The following FAM81A variants were observed in gnomAD, a reference collection of about 807,000 sequenced individuals.
The protein encoded by FAM81A is protein FAM81A.
Under a neutral mutation model 46.7 loss-of-function variants are expected in FAM81A, and 19 were observed. The ratio of observed to expected loss-of-function variants is 0.41; its 90% confidence interval spans 0.28 to 0.60. FAM81A has a LOEUF of 0.60. FAM81A is among the 20% of genes least tolerant of loss of function. The probability of loss-of-function intolerance (pLI) is 0.34; values close to 1 mark genes in which losing one functional copy is unlikely to be tolerated. For synonymous variants in FAM81A, 183 were observed against 152.9 expected (o/e 1.20, Z -1.45); for missense variants, 377 against 453.5 (o/e 0.83, Z 1.53).
At chr15:59,411,561 A>G (rs2081120791) in intron 2 of FAM81A, among the ~76,000 whole-genome samples, 1 of 152,166 alleles carries the variant, frequency 6.6e-6, no homozygotes, top group African/African-American at 2.4e-5. Context: ...AAAGTTTCAG[A>G]AACTTTCCAT....
At chr15:59,433,934 C>T (rs1363704511), upstream of FAM81A, among the ~76,000 whole-genome samples, 1 of 152,236 alleles carries the variant, frequency 6.6e-6, no homozygotes, top group Non-Finnish European at 1.5e-5. Flanking sequence ...AGGCTCACTA[C>T]ACCCTCTGCC....
intron 4 of FAM81A, among the ~76,000 whole-genome samples, chr15:59,500,174 T>C (rs562381943): frequency 6.6e-6 from 1 of 152,274 alleles, no homozygotes; most frequent in South Asian, 2.1e-4. Flanking sequence ...GGTATGGATC[T>C]CTTGGTGTTT....
chr15:59,420,695 C>A lies in FAM81A; in HGVS notation c.-78+18337C>A, dbSNP rs192156426. Among the ~76,000 whole-genome samples, 12 of 284 alleles carry A rather than the reference C, an allele frequency of 0.042. 5 individuals carry two copies. In the Non-Finnish European group the frequency reaches 1, roughly 24 times the overall value. 0.2% of individuals were successfully genotyped at this position (284 alleles called of 152,430 possible). On this transcript the variant is annotated intron_variant, in intron 2 of 4. Coordinates refer to the FAM81A transcript ENST00000558348. Reference sequence around the variant, plus strand: ...CATCCAGTGACGAAGCCAAGGAAGGCTCTTTTTTTTTTTTTTTTTTTTTTT... The same window carrying A: ...CATCCAGTGACGAAGCCAAGGAAGGATCTTTTTTTTTTTTTTTTTTTTTTT...
intron 2 of FAM81A, among the ~76,000 whole-genome samples, chr15:59,415,938 G>A (rs1229379220): frequency 1.3e-5 from 2 of 152,080 alleles, no homozygotes; most frequent in African/African-American, 4.8e-5. Context: ...TCTCTGGGAG[G>A]GTCACAGACT....
chr15:59,481,877 T>C (rs2081856426), intron 3 of FAM81A, among the ~76,000 whole-genome samples: 1 of 151,618 alleles, frequency 6.6e-6, no homozygotes, highest in South Asian at 2.1e-4. Flanking sequence ...GCTGAAACCT[T>C]TTTGATTTTT....
chr15:59,508,230 A>G (rs2082169535), intron 5 of FAM81A, among the ~76,000 whole-genome samples: 1 of 152,262 alleles, frequency 6.6e-6, no homozygotes, highest in Non-Finnish European at 1.5e-5. Context: ...ATGTACAGAT[A>G]TCCATCAAAA....
intron 8 of FAM81A, among the ~76,000 whole-genome samples, chr15:59,519,803 A>G (rs531047301): frequency 3.3e-5 from 5 of 152,200 alleles, no homozygotes; most frequent in Admixed American, 1.3e-4. Context: ...TTTATTCACT[A>G]ATTTTTTGAT....
chr15:59,500,839 T>A (rs1489152219), intron 4 of FAM81A, among the ~76,000 whole-genome samples: 1 of 152,118 alleles, frequency 6.6e-6, no homozygotes, highest in Non-Finnish European at 1.5e-5. Flanking sequence ...TTCTTCTTTT[T>A]CTTTTATAAT....
chr15:59,422,793 A>G (rs1163891937), intron 2 of FAM81A, among the ~76,000 whole-genome samples: 4 of 152,194 alleles, frequency 2.6e-5, no homozygotes, highest in Non-Finnish European at 5.9e-5. Context: ...CTAGTTTCAA[A>G]GCATTTAAAA....
At chr15:59,398,888 G>T (rs28368449) in intron 1 of FAM81A, among the ~76,000 whole-genome samples, 1 of 151,382 alleles carries the variant, frequency 6.6e-6, no homozygotes, top group Non-Finnish European at 1.5e-5. Context: ...ATCAGCTATC[G>T]GCCAGGTATG....
chr15:59,469,993 G>GCATCTATT (rs2081664325), intron 3 of FAM81A, among the ~76,000 whole-genome samples: 1 of 152,052 alleles, frequency 6.6e-6, no homozygotes, highest in Non-Finnish European at 1.5e-5. Context: ...ATGAAATTCT[G>GCATCTATT]GGTGGAAAAA....
At chr15:59,437,065 C>T (rs1209584755), upstream of FAM81A, among the ~76,000 whole-genome samples, 3 of 152,174 alleles carry the variant, frequency 2.0e-5, no homozygotes, top group Non-Finnish European at 4.4e-5. Flanking sequence ...AAGTTATTAG[C>T]CCGTTTTACT....
intron 2 of FAM81A, among the ~76,000 whole-genome samples, chr15:59,414,289 T>C (rs1413484222): frequency 6.6e-6 from 1 of 152,166 alleles, no homozygotes; most frequent in East Asian, 1.9e-4. Flanking sequence ...AATATGCTAC[T>C]GTAGGAGAGG....
intron 1 of FAM81A, among the ~76,000 whole-genome samples, chr15:59,454,105 A>G (rs1596483257): frequency 6.6e-6 from 1 of 152,176 alleles, no homozygotes; most frequent in South Asian, 2.1e-4. Flanking sequence ...TTCCAGACAA[A>G]CCTTCCACTG....
chr15:59,416,905 C>G (rs1460197200), intron 2 of FAM81A, among the ~76,000 whole-genome samples: 3 of 152,124 alleles, frequency 2.0e-5, no homozygotes, highest in African/African-American at 4.8e-5. Flanking sequence ...TAGATGCCAA[C>G]CTAAAAATAT....
At chr15:59,464,623 G>A (rs1164967590) in intron 3 of FAM81A, among the ~76,000 whole-genome samples, 1 of 152,018 alleles carries the variant, frequency 6.6e-6, no homozygotes, top group Non-Finnish European at 1.5e-5. Context: ...CTGCTTTTGA[G>A]AAATATTTGT....
chr15:59,491,253 A>C (rs2081977729), intron 3 of FAM81A, among the ~76,000 whole-genome samples: 1 of 152,252 alleles, frequency 6.6e-6, no homozygotes, highest in East Asian at 1.9e-4. Context: ...AGGTTCTGTC[A>C]TTTGCAAAAA....
intron 5 of FAM81A, 66 bp downstream of exon 5, chr15:59,507,408 T>C: frequency 5.8e-6 from 9 of 1,564,732 alleles, no homozygotes; most frequent in South Asian, 1.2e-5. Flanking sequence ...TAACATGGTG[T>C]TGATTATTTC....
Position 59,507,208 on chromosome 15 carries a change from G to C in FAM81A, c.414-5G>C, listed in dbSNP as rs563872557. 1.3e-5 allele frequency: 21 copies of C among 1,608,652 alleles called. No homozygotes were observed. In the South Asian group the frequency reaches 2.2e-4, roughly 17 times the overall value. ...AAGAATCAGCTTTGTTCTTTGTCTG[G>C]ACAGATGTGATGCCAGCATAGCTAG... On this transcript the variant is annotated splice_region_variant and splice_polypyrimidine_tract_variant and intron_variant, in intron 4 of 8. Transcript: ENST00000288228.
Sources: gnomAD v4.1 joint callset for allele counts (sites outside exome capture counted in the v4.1 genomes callset) on GRCh38, gnomAD v4.1.1 for gene constraint, MANE v1.5 for transcripts, NCBI Gene and HGNC (gene_info 2026-07-23, HGNC 2026-07-21) for gene names.